COPZ1: variants seen among roughly 807,000 people sequenced by gnomAD.
COPZ1 encodes the protein coat protein complex I subunit zeta 1.
Under a neutral mutation model 31.7 loss-of-function variants are expected in COPZ1, and 4 were observed. That is an observed-to-expected ratio of 0.13 (90% CI 0.06 to 0.29). COPZ1 has a LOEUF of 0.29. Ranked by LOEUF, COPZ1 falls within the 10% of genes least tolerant of loss-of-function variation. COPZ1 has a pLI of 1.00. For missense variants in COPZ1, 156 were observed against 211.5 expected, an observed-to-expected ratio of 0.74 and a Z score of 1.63; for synonymous variants, 74 against 79.0, an observed-to-expected ratio of 0.94 and a Z score of 0.33.
At chr12:54,338,359 G>C (rs946571373) in intron 1 of COPZ1, among the ~76,000 whole-genome samples, 2 of 152,216 alleles carry the variant, frequency 1.3e-5, no homozygotes, top group African/African-American at 4.8e-5. Context: ...AGATCTTTCT[G>C]TGAGGAATTA....
chr12:54,345,649 G>A (rs1954048628), intron 5 of COPZ1, 134 bp downstream of exon 5: 1 of 681,360 alleles, frequency 1.5e-6, no homozygotes. Flanking sequence ...GCTCCAGGGA[G>A]TTGATTTAGT....
intron 1 of COPZ1, among the ~76,000 whole-genome samples, chr12:54,339,975 C>CTGTGCG (rs1051136985): frequency 6.5e-5 from 8 of 123,410 alleles, no homozygotes; most frequent in Non-Finnish European, 1.3e-4. Context: ...ACTGGTGTGC[C>CTGTGCG]TGTGCGTGTG....
intron 1 of COPZ1, among the ~76,000 whole-genome samples, chr12:54,329,963 T>A (rs1953721178): frequency 6.6e-6 from 1 of 152,028 alleles, no homozygotes; most frequent in South Asian, 2.1e-4. Flanking sequence ...AATGCCCCCC[T>A]CCCCCTGCTC....
intron 1 of COPZ1, among the ~76,000 whole-genome samples, chr12:54,326,386 C>T (rs1031131014): frequency 8.1e-5 from 12 of 148,272 alleles, no homozygotes; most frequent in African/African-American, 2.8e-4. Flanking sequence ...GTAATCCACC[C>T]GCCTCGGCCT....
At chr12:54,331,414 T>A (rs1953752656) in intron 1 of COPZ1, among the ~76,000 whole-genome samples, 2 of 152,030 alleles carry the variant, frequency 1.3e-5, no homozygotes, top group African/African-American at 4.8e-5. Context: ...CTCCTGACCT[T>A]GTGATCCACA....
At chr12:54,343,791 C>G (rs1954013520) in intron 4 of COPZ1, among the ~76,000 whole-genome samples, 1 of 152,148 alleles carries the variant, frequency 6.6e-6, no homozygotes, top group South Asian at 2.1e-4. Context: ...ATAGCAACTT[C>G]TAGGAGAATA....
Position 54,342,163 on chromosome 12 carries a change from C to A in COPZ1, c.88-43C>A, listed in dbSNP as rs374943059. On this transcript the variant is annotated intron_variant, in intron 2 of 8. Coordinates refer to ENST00000262061, the MANE Select transcript of COPZ1 (RefSeq NM_016057.3). ...ACATAGTCACTAATCATTCTGGCTT[C>A]CAGCTCTAGTGACCCAACCCTGTCT... is the stretch of plus-strand genomic sequence containing the variant. 7.1e-6 allele frequency: 10 copies of A among 1,408,816 alleles called. No individual in the cohort carries two copies. In the African/African-American group the frequency reaches 1.4e-4, roughly 20 times the overall value. 87.3% of individuals were successfully genotyped at this position (1,408,816 alleles called of 1,614,324 possible).
intron 8 of COPZ1, chr12:54,350,222 C>CTTTTTTTTTTT (rs752740268): frequency 3.7e-6 from 2 of 542,866 alleles, no homozygotes. Context: ...CAGTAACTCC[C>CTTTTTTTTTTT]TTTTTTTTTT....
At chr12:54,342,015 T>C (rs1453905475) in intron 2 of COPZ1, among the ~76,000 whole-genome samples, 191 bp from the exon 3 acceptor site, 2 of 152,136 alleles carry the variant, frequency 1.3e-5, no homozygotes, top group African/African-American at 2.4e-5. Context: ...GCAGGGTCTT[T>C]TATTTATTTT....
chr12:54,343,217 C>G lies in COPZ1; in HGVS notation c.170-8C>G, dbSNP rs879029258. 1.2e-6 allele frequency: 2 copies of G among 1,611,248 alleles called. No homozygotes were observed. Among genetic ancestry groups the G allele is most frequent in the Admixed American group, 3.3e-5 (2 of 59,862 alleles). ...CACCCACTATTTTTACTTTTTTTCCCCCACCAGGTGAAATTGCCCTCTTGG... is the reference window on the plus strand; with the variant it reads ...CACCCACTATTTTTACTTTTTTTCCGCCACCAGGTGAAATTGCCCTCTTGG... On this transcript the variant is annotated splice_polypyrimidine_tract_variant and splice_region_variant and intron_variant, in intron 3 of 8. Coordinates refer to ENST00000262061, the MANE Select transcript of COPZ1 (RefSeq NM_016057.3).
intron 2 of COPZ1, among the ~76,000 whole-genome samples, chr12:54,341,179 G>A (rs1177213768): frequency 1.3e-5 from 2 of 152,186 alleles, no homozygotes; most frequent in Non-Finnish European, 2.9e-5. Flanking sequence ...CTAAGAGGCA[G>A]TCCGCCCATG....
chr12:54,333,880 G>A (rs551321097), intron 1 of COPZ1, among the ~76,000 whole-genome samples: 1 of 152,072 alleles, frequency 6.6e-6, no homozygotes, highest in African/African-American at 2.4e-5. Context: ...GTGTTCTGTG[G>A]TACCAGTGGC....
chr12:54,349,222 G>A (rs772692510), intron 7 of COPZ1, among the ~76,000 whole-genome samples: 5 of 151,944 alleles, frequency 3.3e-5, no homozygotes, highest in African/African-American at 4.8e-5. Flanking sequence ...CAGGCTTTGC[G>A]GGATCCATTA....
chr12:54,326,640 G>GGTGTGT (rs71070816), intron 1 of COPZ1, among the ~76,000 whole-genome samples: 2,708 of 134,572 alleles, frequency 0.02, 50 homozygotes, highest in Middle Eastern at 0.039. Context: ...GATTTGGAGG[G>GGTGTGT]GTGTGTGTGT....
At chr12:54,340,226 G>A (rs1461573418) in intron 1 of COPZ1, 2 of 397,488 alleles carry the variant, frequency 5.0e-6, no homozygotes, top group Non-Finnish European at 9.0e-6. Context: ...GGAAGGGAGA[G>A]GGTAATTTGG....
At position 54,339,873 on chromosome 12, in the gene COPZ1, G is replaced by T. The variant is rs538497821; in HGVS notation, c.19-674G>T. On this transcript the variant is annotated intron_variant, in intron 1 of 8. Coordinates refer to ENST00000262061, the MANE Select transcript of COPZ1 (RefSeq NM_016057.3). ...AAATTCAGGTTGGCTTTTGTCCTTG[G>T]AAGTTAAGTGGTAGTGGTTAAGGTA... is the stretch of plus-strand genomic sequence containing the variant. Among the ~76,000 whole-genome samples, 6 of 152,178 alleles carry T rather than the reference G, an allele frequency of 3.9e-5. No individual in the cohort carries two copies. In the South Asian group the frequency reaches 1.2e-3, roughly 32 times the overall value.
At chr12:54,343,401 T>A in intron 4 of COPZ1, 85 bp downstream of exon 4, 1 of 1,103,472 alleles carries the variant, frequency 9.1e-7, no homozygotes. Flanking sequence ...GGGGCCCTAA[T>A]AGAGCCGTGT....
intron 4 of COPZ1, chr12:54,344,521 T>C (rs1043375008): frequency 6.6e-6 from 1 of 152,114 alleles, no homozygotes; most frequent in African/African-American, 2.4e-5. Flanking sequence ...GAGGTTGCAG[T>C]GAGCCGAGAT....
intron 1 of COPZ1, among the ~76,000 whole-genome samples, chr12:54,330,671 T>G (rs1024901005): frequency 6.6e-6 from 1 of 152,208 alleles, no homozygotes; most frequent in Non-Finnish European, 1.5e-5. Context: ...CGGAGCCTAG[T>G]GGCAGGTTTA....
Sources: gnomAD v4.1 joint callset for allele counts (sites outside exome capture counted in the v4.1 genomes callset) on GRCh38, gnomAD v4.1.1 for gene constraint, MANE v1.5 for transcripts, NCBI Gene and HGNC (gene_info 2026-07-23, HGNC 2026-07-21) for gene names.